PPARA: variants seen among roughly 807,000 people sequenced by gnomAD.
PPARA encodes the protein peroxisome proliferator-activated receptor alpha.
A neutral mutation model predicts 42.2 loss-of-function variants in PPARA; 22 were observed. The ratio of observed to expected loss-of-function variants is 0.52; its 90% CI spans 0.37 to 0.74. The LOEUF (loss-of-function observed/expected upper bound fraction) is 0.74. Among genes scored for constraint, PPARA ranks in the 30% least tolerant of loss-of-function variants. PPARA has a pLI of 0.00. For synonymous variants in PPARA, 242 were observed against 239.3 expected (o/e 1.01, Z -0.10); for missense variants, 465 against 608.2 (o/e 0.76, Z 2.48).
chr22:46,186,104 T>C (rs1343463755), intron 3 of PPARA, among the ~76,000 whole-genome samples: 1 of 151,042 alleles, frequency 6.6e-6, no homozygotes, highest in Non-Finnish European at 1.5e-5. Context: ...CCTTTTCTCT[T>C]TCCTTTAAAA....
At position 46,183,233 on chromosome 22, in the gene PPARA, C is replaced by T. The variant is rs1930216925; in HGVS notation, c.-43+6397C>T. ...CACTGAACACACACTCGTTTAGCAG[C>T]ATAAGCAGCAAGAGTTCAGGTAATC... is the stretch of plus-strand genomic sequence containing the variant. On this transcript the variant is annotated intron_variant, in intron 3 of 8. Coordinates refer to ENST00000407236, the MANE Select transcript of PPARA (RefSeq NM_005036.6). This position sits in a 1 kb window ranked among gnomAD's most constrained non-coding sequence, Gnocchi z 5.5. 6.6e-6 allele frequency among the ~76,000 whole-genome samples: 1 copy of T among 152,210 alleles called. No homozygotes were observed. The highest frequency in any genetic ancestry group is 1.5e-5 in the Non-Finnish European group (1 of 68,038).
rs570827558 is a variant in PPARA at position 46,225,706 on chromosome 22, CAT to C, written c.711+5693_711+5694del. Among the ~76,000 whole-genome samples, 58 of 152,000 alleles carry C rather than the reference CAT, an allele frequency of 3.8e-4. 1 individual carries two copies. Among genetic ancestry groups the C allele is most frequent in the African/African-American group, 1.4e-3 (56 of 41,392 alleles). On this transcript the variant is annotated intron_variant, in intron 7 of 8. Transcript: ENST00000407236. This position sits in a 1 kb window ranked among gnomAD's most constrained non-coding sequence, Gnocchi z 4.1. Reference sequence around the variant, plus strand: ...CCCCATACATGCACATGGACACACACATGCACCCACACGCACACAAGCATCCA... The same window carrying C: ...CCCCATACATGCACATGGACACACACGCACCCACACGCACACAAGCATCCA...
At chr22:46,154,375 T>C (rs527300005) in intron 2 of PPARA, among the ~76,000 whole-genome samples, 271 of 152,316 alleles carry the variant, frequency 1.8e-3, no homozygotes, top group Non-Finnish European at 2.7e-3. Context: ...TTCAGCACTT[T>C]GTGAGGCCGA....
rs1927977854 is a variant in PPARA, at chr22:46,171,176, A to G, written c.-126-5577A>G. On this transcript the variant is annotated intron_variant, in intron 2 of 8. Transcript: ENST00000407236. The surrounding 1 kb of genome is among the most constrained non-coding windows in gnomAD (Gnocchi z 5.0). ...ACTCTGTCTCATAAAAAAAGAAAAA[A>G]AAAAAGTACAGAGTCCAGGAAGCCT... 6.6e-6 allele frequency: 1 copy of G among 152,486 alleles called. No homozygotes were observed. Among genetic ancestry groups the G allele is most frequent in the Non-Finnish European group, 1.5e-5 (1 of 68,388 alleles). The allele number at this position is 152,486 out of a possible 1,614,324, so 9.4% of individuals were successfully genotyped here.
At chr22:46,189,279 T>G (rs751963218) in intron 3 of PPARA, among the ~76,000 whole-genome samples, 2 of 152,258 alleles carry the variant, frequency 1.3e-5, no homozygotes, top group African/African-American at 2.4e-5. Flanking sequence ...GTGCTGGGTT[T>G]TAAATGGAAG....
In PPARA at chr22:46,200,789, G is replaced by A. The variant is rs148684081; in HGVS notation, c.208+2198G>A. Reference sequence around the variant, plus strand: ...AAACATTAGCTGGGAGTGGTGGCAGGTGCCTGTAATCCCAGCTACTCTACT... The same window carrying A: ...AAACATTAGCTGGGAGTGGTGGCAGATGCCTGTAATCCCAGCTACTCTACT... On this transcript the variant is annotated intron_variant, in intron 4 of 8. Transcript: ENST00000407236. This position sits in a 1 kb window ranked among gnomAD's most constrained non-coding sequence, Gnocchi z 4.8. Among the ~76,000 whole-genome samples, 363 of 151,840 alleles carry A rather than the reference G, an allele frequency of 2.4e-3. 4 individuals carry two copies. Among genetic ancestry groups the A allele is most frequent in the African/African-American group, 8.4e-3 (347 of 41,396 alleles).
rs1406749762 is a variant in PPARA, at chr22:46,180,763, C to T, written c.-43+3927C>T. ...TTAAATAAATCCTCCTGAACCCCAT[C>T]AATCGCTCCAGTTCTCTGATTTCCC... On this transcript the variant is annotated intron_variant, in intron 3 of 8. Transcript: ENST00000407236. The surrounding 1 kb of genome is among the most constrained non-coding windows in gnomAD (Gnocchi z 4.2). Among the ~76,000 whole-genome samples, 1 of 152,192 alleles carries T rather than the reference C, an allele frequency of 6.6e-6. No individual in the cohort carries two copies. The highest frequency in any genetic ancestry group is 2.4e-5 in the African/African-American group (1 of 41,452).
rs1336062347 is a variant in PPARA, at chr22:46,234,487, G to A, written c.1160-646G>A. The stretch of plus-strand genomic sequence containing the variant: ...TGTCTAGTGCCAGCTACCCCAGGCA[G>A]GTCATCTGGTGTGAATGTTGACTCT... On this transcript the variant is annotated intron_variant, in intron 8 of 8. Transcript: ENST00000407236. This position sits in a 1 kb window ranked among gnomAD's most constrained non-coding sequence, Gnocchi z 5.8. Among the ~76,000 whole-genome samples the A allele has an allele frequency of 1.3e-5, 2 of 152,026 alleles. No individual in the cohort carries two copies. The highest frequency in any genetic ancestry group is 4.8e-5 in the African/African-American group (2 of 41,394).
intron 4 of PPARA, among the ~76,000 whole-genome samples, chr22:46,199,477 A>T (rs1478921169): frequency 6.6e-6 from 1 of 152,022 alleles, no homozygotes; most frequent in Admixed American, 6.6e-5. Flanking sequence ...TACAAAAAAA[A>T]TTTAAAATTA....
chr22:46,186,141 T>TA (rs1461701172), intron 3 of PPARA, among the ~76,000 whole-genome samples: 1 of 151,348 alleles, frequency 6.6e-6, no homozygotes, highest in East Asian at 1.9e-4. Flanking sequence ...GCTGAGAACT[T>TA]AGATACCACA....
rs1800206 is a variant in PPARA, at chr22:46,218,377, C to G, written c.484C>G (p.Leu162Val). 92,426 of 1,614,008 alleles carry G rather than the reference C, an allele frequency of 0.057. 3,094 individuals are homozygous for G. Among genetic ancestry groups the G allele is most frequent in the Non-Finnish European group, 0.068 (79,652 of 1,179,944 alleles). ...CCAGTATTGTCGATTTCACAAGTGCCTTTCTGTCGGGATGTCACACAACGG... is the reference window on the plus strand; with the variant it reads ...CCAGTATTGTCGATTTCACAAGTGCGTTTCTGTCGGGATGTCACACAACGG... ...KCQYCRFHKC[L>V]SVGMSHNAIR... The change falls in exon 6 of 9, where the codon CTT becomes GTT. Residue 162 changes from leucine (L) to valine (V), a missense_variant. By Grantham distance (32) the Leu-to-Val change is conservative. Around this residue, in one of 2 missense-constraint regions of PPARA, gnomAD observed 313 missense variants for 469.1 expected, o/e 0.67. Coordinates refer to ENST00000407236, the MANE Select transcript of PPARA (RefSeq NM_005036.6).
In PPARA at chr22:46,234,986, C is replaced by T; in HGVS notation, c.1160-147C>T. On this transcript the variant is annotated intron_variant, in intron 8 of 8. Coordinates refer to ENST00000407236, the MANE Select transcript of PPARA (RefSeq NM_005036.6). The surrounding 1 kb of genome is among the most constrained non-coding windows in gnomAD (Gnocchi z 5.8). ...TGACTTTGGAAAAACCTATGTCTAT[C>T]TTCCAGTCAAGTTGACAATATCTAA... The T allele has an allele frequency of 9.1e-7, 1 of 1,102,386 alleles. No homozygotes were observed. The allele number at this position is 1,102,386 out of a possible 1,614,324, so 68.3% of individuals were successfully genotyped here.
At position 46,243,259 on chromosome 22, in the gene PPARA, A is replaced by G. The variant is rs905411317; in HGVS notation, c.*7879A>G. On this transcript the variant is annotated 3_prime_UTR_variant, in exon 9 of 9. Transcript: ENST00000407236. This position sits in a 1 kb window ranked among gnomAD's most constrained non-coding sequence, Gnocchi z 5.0. ...AGAAACACACGCGAGAATGAGGCAG[A>G]TCCCAGAGCAAGGACTGGGCCCAGA... The G allele has an allele frequency of 7.2e-5, 11 of 152,216 alleles. No individual in the cohort carries two copies. The highest frequency in any genetic ancestry group is 1.3e-4 in the Non-Finnish European group (9 of 68,070). 9.4% of individuals were successfully genotyped at this position (152,216 alleles called of 1,614,324 possible).
chr22:46,197,072 C>T (rs2147370893), intron 3 of PPARA, among the ~76,000 whole-genome samples: 1 of 150,484 alleles, frequency 6.6e-6, no homozygotes, highest in South Asian at 2.1e-4. Context: ...TTTTTTGAGA[C>T]ACGGTCTCAC....
At position 46,193,817 on chromosome 22, in the gene PPARA, G is replaced by A. The variant is rs1931868019; in HGVS notation, c.-42-4525G>A. Among the ~76,000 whole-genome samples the A allele has an allele frequency of 6.6e-6, 1 of 152,176 alleles. No homozygotes were observed. The highest frequency in any genetic ancestry group is 1.5e-5 in the Non-Finnish European group (1 of 68,036). On this transcript the variant is annotated intron_variant, in intron 3 of 8. Coordinates refer to ENST00000407236, the MANE Select transcript of PPARA (RefSeq NM_005036.6). This position sits in a 1 kb window ranked among gnomAD's most constrained non-coding sequence, Gnocchi z 5.3. ...GCTATGAAACTGAAGATCTAATTCA[G>A]TGCTGTTTGCATTGTCTTGCCTCCT...
chr22:46,178,543 C>G (rs1788077873), intron 3 of PPARA, among the ~76,000 whole-genome samples: 1 of 152,018 alleles, frequency 6.6e-6, no homozygotes, highest in African/African-American at 2.4e-5. Context: ...GCTGAGAGTC[C>G]AGGGAGACCA....
chr22:46,200,317 A>T lies in PPARA; in HGVS notation c.208+1726A>T, dbSNP rs1383797901. 6.6e-6 allele frequency among the ~76,000 whole-genome samples: 1 copy of T among 152,246 alleles called. No homozygotes were observed. The highest frequency in any genetic ancestry group is 1.5e-5 in the Non-Finnish European group (1 of 68,034). On this transcript the variant is annotated intron_variant, in intron 4 of 8. Coordinates refer to ENST00000407236, the MANE Select transcript of PPARA (RefSeq NM_005036.6). The surrounding 1 kb of genome is among the most constrained non-coding windows in gnomAD (Gnocchi z 4.8). Reference sequence around the variant, plus strand: ...TTAGGTGATTTCATCATTGTGTGAAAGTCATAGAGTACACTTAAACCCAGA... The same window carrying T: ...TTAGGTGATTTCATCATTGTGTGAATGTCATAGAGTACACTTAAACCCAGA...
intron 7 of PPARA, among the ~76,000 whole-genome samples, chr22:46,226,842 C>T (rs1423626660): frequency 2.0e-5 from 3 of 151,642 alleles, no homozygotes; most frequent in African/African-American, 7.3e-5. Flanking sequence ...GCCTGGGTGA[C>T]ACAGCAAGAC....
Position 46,200,072 on chromosome 22 carries a change from A to G in PPARA, c.208+1481A>G, listed in dbSNP as rs1229343375. 6.6e-6 allele frequency among the ~76,000 whole-genome samples: 1 copy of G among 152,236 alleles called. No homozygotes were observed. Among genetic ancestry groups the G allele is most frequent in the Non-Finnish European group, 1.5e-5 (1 of 68,048 alleles). ...AATCTAGTACATCACTGGTGGAAAC[A>G]GACATACACCTATTGCAAAGGGCAT... On this transcript the variant is annotated intron_variant, in intron 4 of 8. Coordinates refer to ENST00000407236, the MANE Select transcript of PPARA (RefSeq NM_005036.6). The surrounding 1 kb of genome is among the most constrained non-coding windows in gnomAD (Gnocchi z 4.8).
Sources: gnomAD v4.1 joint callset for allele counts (sites outside exome capture counted in the v4.1 genomes callset) on GRCh38, gnomAD v4.1.1 for gene constraint, gnomAD v4.1.1 regional missense constraint, Gnocchi (gnomAD v3.1) non-coding constraint, MANE v1.5 for transcripts, NCBI Gene and HGNC (gene_info 2026-07-23, HGNC 2026-07-21) for gene names.